KIF16B: variants seen among roughly 807,000 people sequenced by gnomAD.
The protein encoded by KIF16B is kinesin-like protein KIF16B.
A neutral mutation model predicts 156.3 loss-of-function variants in KIF16B; 98 were observed. That is an observed-to-expected ratio of 0.63 (90% CI 0.53 to 0.74). KIF16B has a LOEUF of 0.74. Ranked by LOEUF, KIF16B falls within the 30% of genes least tolerant of loss-of-function variation. The pLI, the probability that KIF16B is intolerant of heterozygous loss-of-function variation, is 0.00. For missense variants in KIF16B, 1,421 were observed against 1,606.5 expected, an observed-to-expected ratio of 0.88 and a Z score of 1.97; for synonymous variants, 564 against 583.7, an observed-to-expected ratio of 0.97 and a Z score of 0.49.
At chr20:16,540,476 A>G (rs1483347458) in intron 1 of KIF16B, among the ~76,000 whole-genome samples, 1 of 152,202 alleles carries the variant, frequency 6.6e-6, no homozygotes, top group African/African-American at 2.4e-5. Flanking sequence ...ACAAGTCTAC[A>G]TCCTTACGTG....
At chr20:16,447,300 TA>T (rs147514585) in intron 12 of KIF16B, among the ~76,000 whole-genome samples, 9,383 of 145,836 alleles carry the variant, frequency 0.064, 384 homozygotes, top group East Asian at 0.21. Context: ...ATTCTGATGT[TA>T]AAAAAAAAAA....
At chr20:16,438,692 T>C (rs2146509527) in intron 12 of KIF16B, among the ~76,000 whole-genome samples, 1 of 152,240 alleles carries the variant, frequency 6.6e-6, no homozygotes, top group East Asian at 1.9e-4. Context: ...GCCTTTCTCC[T>C]CCTTTGGTCC....
chr20:16,336,314 A>G (rs1418031643), intron 23 of KIF16B, among the ~76,000 whole-genome samples: 1 of 152,236 alleles, frequency 6.6e-6, no homozygotes, highest in Non-Finnish European at 1.5e-5. Flanking sequence ...ACACTTTTAA[A>G]GAAGAGGAGG....
intron 25 of KIF16B, among the ~76,000 whole-genome samples, chr20:16,299,264 C>A (rs573270755): frequency 2.0e-5 from 3 of 152,044 alleles, no homozygotes; most frequent in African/African-American, 7.2e-5. Flanking sequence ...ATAAGATTGG[C>A]CCCATGATGA....
intron 12 of KIF16B, among the ~76,000 whole-genome samples, chr20:16,467,600 T>C (rs771136219): frequency 6.6e-6 from 1 of 151,884 alleles, no homozygotes; most frequent in Non-Finnish European, 1.5e-5. Context: ...TTGAAATAAG[T>C]CAAAGGGGAA....
At chr20:16,476,891 T>TG (rs769460009) in intron 12 of KIF16B, among the ~76,000 whole-genome samples, 14 of 152,106 alleles carry the variant, frequency 9.2e-5, no homozygotes, top group Non-Finnish European at 1.6e-4. Context: ...CCCGAGTAGC[T>TG]GGGACTACAG....
At chr20:16,411,130 AC>A (rs1205365000) in intron 15 of KIF16B, among the ~76,000 whole-genome samples, 2 of 152,120 alleles carry the variant, frequency 1.3e-5, no homozygotes, top group Non-Finnish European at 2.9e-5. Flanking sequence ...AATGTCTGCA[AC>A]CAGCCTGCTG....
At chr20:16,316,671 C>T (rs1027452310) in intron 24 of KIF16B, among the ~76,000 whole-genome samples, 3 of 152,138 alleles carry the variant, frequency 2.0e-5, no homozygotes, top group African/African-American at 7.2e-5. Context: ...CCTCTTACCA[C>T]GGGTTAGATG....
chr20:16,459,361 A>G lies in KIF16B; in HGVS notation c.1303-29379T>C, dbSNP rs563041259. Among the ~76,000 whole-genome samples, 4 of 152,308 alleles carry G rather than the reference A, an allele frequency of 2.6e-5. No individual in the cohort carries two copies. In the South Asian group the frequency reaches 8.3e-4, roughly 32 times the overall value. ...GGATGGCTGCCAGTTGTTCTCCACA[A>G]AAGAATTTTCCCAAAAGCCTAGGCC... is the stretch of plus-strand genomic sequence containing the variant. On this transcript the variant is annotated intron_variant, in intron 12 of 25. Transcript: ENST00000354981.
Position 16,437,368 on chromosome 20 carries a change from G to A in KIF16B, c.1303-7386C>T, listed in dbSNP as rs961619095. ...AACCTGGAAAAATGGTCTGGCAAGC[G>A]AAGCAGATGGGTCACTATTTGATTC... On this transcript the variant is annotated intron_variant, in intron 12 of 25. Transcript: ENST00000354981. 2.6e-4 allele frequency among the ~76,000 whole-genome samples: 39 copies of A among 152,218 alleles called. 3 individuals carry two copies. Among genetic ancestry groups the A allele is most frequent in the South Asian group, 6.2e-4 (3 of 4,824 alleles).
chr20:16,350,813 C>T (rs980210184), intron 23 of KIF16B, among the ~76,000 whole-genome samples: 1 of 151,580 alleles, frequency 6.6e-6, no homozygotes, highest in African/African-American at 2.4e-5. Context: ...AATGAGAGCA[C>T]CTGTGGCCAG....
chr20:16,481,574 C>T (rs1339705954), intron 12 of KIF16B, among the ~76,000 whole-genome samples: 4 of 152,188 alleles, frequency 2.6e-5, no homozygotes, highest in African/African-American at 7.2e-5. Flanking sequence ...AGAAGTGTCA[C>T]GTCAAATTCT....
chr20:16,494,149 C>A (rs984999094), intron 12 of KIF16B, 142 bp downstream of exon 12: 8 of 609,348 alleles, frequency 1.3e-5, no homozygotes, highest in Non-Finnish European at 2.0e-5. Flanking sequence ...GAACTCCCAT[C>A]CCATGAAAGT....
intron 25 of KIF16B, among the ~76,000 whole-genome samples, chr20:16,287,238 ATAAAT>A (rs1340913155): frequency 6.6e-6 from 1 of 152,256 alleles, no homozygotes; most frequent in African/African-American, 2.4e-5. Flanking sequence ...ATGACTAAAC[ATAAAT>A]TAAAGTCCAA....
intron 20 of KIF16B, among the ~76,000 whole-genome samples, chr20:16,374,007 G>C (rs955974860): frequency 6.6e-6 from 1 of 152,158 alleles, no homozygotes; most frequent in African/African-American, 2.4e-5. Flanking sequence ...AGATATCAAG[G>C]GACAACTGTA....
chr20:16,437,397 G>C (rs1363386561), intron 12 of KIF16B, among the ~76,000 whole-genome samples: 1 of 152,214 alleles, frequency 6.6e-6, no homozygotes, highest in Non-Finnish European at 1.5e-5. Flanking sequence ...TTGATTCAGA[G>C]ACTGGGAAGG....
At chr20:16,467,478 T>A (rs1346320848) in intron 12 of KIF16B, among the ~76,000 whole-genome samples, 1 of 152,174 alleles carries the variant, frequency 6.6e-6, no homozygotes, top group East Asian at 1.9e-4. Context: ...AGGTTGGAAT[T>A]ATCAACCAGG....
chr20:16,514,648 T>C (rs1380636140), intron 4 of KIF16B, among the ~76,000 whole-genome samples: 1 of 149,090 alleles, frequency 6.7e-6, no homozygotes, highest in Non-Finnish European at 1.5e-5. Context: ...CCCAGCACTT[T>C]GGGAGGCCGA....
chr20:16,358,113 C>T (rs1041322626), intron 22 of KIF16B, among the ~76,000 whole-genome samples: 2 of 152,048 alleles, frequency 1.3e-5, no homozygotes, highest in Non-Finnish European at 2.9e-5. Context: ...CACTCGAACC[C>T]GGGAGGCAGA....
Sources: allele counts gnomAD v4.1 joint callset (sites outside exome capture counted in the v4.1 genomes callset), GRCh38; gene constraint gnomAD v4.1.1; transcripts MANE v1.5; gene names NCBI Gene and HGNC (gene_info 2026-07-23, HGNC 2026-07-21).